Variants in CCBE1 observed in about 807,000 individuals in gnomAD.
CCBE1 encodes collagen and calcium-binding EGF domain-containing protein 1.
Under a neutral mutation model 50.0 loss-of-function variants are expected in CCBE1, and 37 were observed. The observed-to-expected ratio is 0.74, with a 90% CI of 0.57 to 0.97. The LOEUF is 0.97. CCBE1 is among the 50% of genes least tolerant of loss of function. The pLI is 0.00. For synonymous variants in CCBE1, 234 were observed against 203.7 expected (o/e 1.15, Z -1.27); for missense variants, 538 against 523.8 (o/e 1.03, Z -0.26).
rs377193195 is a variant in CCBE1, at chr18:59,488,887, GC to G, written c.213-8650del. Among the ~76,000 whole-genome samples the G allele has an allele frequency of 2.1e-3, 321 of 152,204 alleles. 3 individuals are homozygous for G. The highest frequency in any genetic ancestry group is 7.2e-3 in the African/African-American group (298 of 41,526). The stretch of plus-strand genomic sequence containing the variant: ...TTTCCTGTTGTGTCTCCCCCACCGA[GC>G]CCACCTGAAAGACACTGAGTGCTGC... On this transcript the variant is annotated intron_variant, in intron 2 of 10. Transcript: ENST00000439986.
intron 2 of CCBE1, among the ~76,000 whole-genome samples, chr18:59,485,544 T>C (rs1445341630): frequency 6.6e-6 from 1 of 151,916 alleles, no homozygotes; most frequent in Non-Finnish European, 1.5e-5. Context: ...ATTTGGGGTT[T>C]TCCTTGCATG....
chr18:59,670,701 A>G (rs1204741509), intron 2 of CCBE1, among the ~76,000 whole-genome samples: 1 of 152,112 alleles, frequency 6.6e-6, no homozygotes, highest in African/African-American at 2.4e-5. Flanking sequence ...TAATCCCAGA[A>G]CTTTGGGAGG....
chr18:59,524,755 C>CTGG (rs10625010), intron 2 of CCBE1, among the ~76,000 whole-genome samples: 3 of 151,636 alleles, frequency 2.0e-5, no homozygotes, highest in Admixed American at 2.0e-4. Flanking sequence ...CTCTCCCACA[C>CTGG]CCCTCGATAG....
intron 2 of CCBE1, among the ~76,000 whole-genome samples, chr18:59,512,380 C>T (rs571554744): frequency 6.6e-6 from 1 of 152,376 alleles, no homozygotes; most frequent in South Asian, 2.1e-4. Flanking sequence ...CCACAACCTG[C>T]CCATCTGTAT....
intron 5 of CCBE1, among the ~76,000 whole-genome samples, chr18:59,459,891 G>A (rs1445808315): frequency 2.6e-5 from 4 of 152,180 alleles, no homozygotes; most frequent in Admixed American, 6.5e-5. Flanking sequence ...GTTGAGAACC[G>A]CTGATCTATG....
chr18:59,619,065 G>T (rs1353477904), intron 2 of CCBE1, among the ~76,000 whole-genome samples: 1 of 152,150 alleles, frequency 6.6e-6, no homozygotes, highest in Non-Finnish European at 1.5e-5. Flanking sequence ...AAGGAAAATA[G>T]AAAGTAACCT....
chr18:59,588,143 A>G (rs1171145973), intron 2 of CCBE1, among the ~76,000 whole-genome samples: 1 of 152,260 alleles, frequency 6.6e-6, no homozygotes, highest in African/African-American at 2.4e-5. Flanking sequence ...AGAATAGCCA[A>G]GATTAACTTT....
At chr18:59,668,881 G>A (rs1024058547) in intron 2 of CCBE1, among the ~76,000 whole-genome samples, 1 of 141,812 alleles carries the variant, frequency 7.1e-6, no homozygotes, top group Non-Finnish European at 1.5e-5. Flanking sequence ...CTGGAGTGCA[G>A]TGATGTGATC....
intron 6 of CCBE1, among the ~76,000 whole-genome samples, chr18:59,448,352 G>T (rs1322957614): frequency 1.3e-5 from 2 of 152,154 alleles, no homozygotes; most frequent in Non-Finnish European, 2.9e-5. Context: ...AGATGGCCTA[G>T]ATATCACTAG....
intron 5 of CCBE1, chr18:59,465,726 A>G (rs1162983096): frequency 6.6e-6 from 1 of 152,238 alleles, no homozygotes; most frequent in African/African-American, 2.4e-5. Context: ...TCCCTAGACC[A>G]TATTTTGAGT....
rs140448821 is a variant in CCBE1 at position 59,611,770 on chromosome 18, C to A, written c.212+84859G>T. On this transcript the variant is annotated intron_variant, in intron 2 of 10. Transcript: ENST00000439986. ...TAAAAAAAAAAATAAAAAAAGGAAG[C>A]ATTTTTCTGTATACCAAATACAGGA... Among the ~76,000 whole-genome samples, 215 of 152,156 alleles carry A rather than the reference C, an allele frequency of 1.4e-3. 2 individuals carry two copies. The highest frequency in any genetic ancestry group is 4.9e-3 in the African/African-American group (202 of 41,522).
intron 2 of CCBE1, among the ~76,000 whole-genome samples, chr18:59,556,747 T>C (rs1344609008): frequency 2.6e-5 from 4 of 152,232 alleles, no homozygotes; most frequent in African/African-American, 7.2e-5. Context: ...CTGAGGTTTT[T>C]TGTTCCCACT....
rs997661907 is a variant in CCBE1 at position 59,522,195 on chromosome 18, T to A, written c.213-41957A>T. Among the ~76,000 whole-genome samples, 15 of 152,066 alleles carry A rather than the reference T, an allele frequency of 9.9e-5. No homozygotes were observed. The East Asian group carries it at 1.7e-3, about 18-fold the overall frequency. On this transcript the variant is annotated intron_variant, in intron 2 of 10. Coordinates refer to ENST00000439986, the MANE Select transcript of CCBE1 (RefSeq NM_133459.4). ...AATACATACAATCCTTTAGTGGACATTGTTTACATGAATCTTGGTAATTTC... is the reference window on the plus strand; with the variant it reads ...AATACATACAATCCTTTAGTGGACAATGTTTACATGAATCTTGGTAATTTC...
At chr18:59,623,069 C>T (rs2053733978) in intron 2 of CCBE1, among the ~76,000 whole-genome samples, 1 of 152,056 alleles carries the variant, frequency 6.6e-6, no homozygotes, top group Non-Finnish European at 1.5e-5. Flanking sequence ...ATAAATGCAC[C>T]ACTCTGGAAA....
intron 2 of CCBE1, among the ~76,000 whole-genome samples, chr18:59,638,716 A>G (rs1339287960): frequency 6.6e-6 from 1 of 152,272 alleles, no homozygotes; most frequent in Non-Finnish European, 1.5e-5. Context: ...ACCAAAACAC[A>G]CACACATAGC....
chr18:59,568,920 C>A (rs532996960), intron 2 of CCBE1, among the ~76,000 whole-genome samples: 1 of 152,212 alleles, frequency 6.6e-6, no homozygotes, highest in South Asian at 2.1e-4. Flanking sequence ...ATCTTGCCAA[C>A]TAAACCTCCC....
intron 9 of CCBE1, among the ~76,000 whole-genome samples, chr18:59,438,961 G>A (rs1168111323): frequency 6.6e-6 from 1 of 152,086 alleles, no homozygotes; most frequent in Non-Finnish European, 1.5e-5. Flanking sequence ...GCCAGCCTGG[G>A]TAACATGGCG....
intron 2 of CCBE1, among the ~76,000 whole-genome samples, chr18:59,567,620 A>G (rs996085380): frequency 1.3e-5 from 2 of 152,152 alleles, no homozygotes; most frequent in Admixed American, 1.3e-4. Flanking sequence ...TAGCAATTCT[A>G]TCAGTGACCC....
intron 2 of CCBE1, among the ~76,000 whole-genome samples, chr18:59,596,528 A>G (rs1350832259): frequency 6.6e-6 from 1 of 152,196 alleles, no homozygotes; most frequent in Non-Finnish European, 1.5e-5. Flanking sequence ...TGGCTATGAT[A>G]TACGGCGGAG....
Sources: allele counts gnomAD v4.1 joint callset (sites outside exome capture counted in the v4.1 genomes callset), GRCh38; gene constraint gnomAD v4.1.1; transcripts MANE v1.5; gene names NCBI Gene and HGNC (gene_info 2026-07-23, HGNC 2026-07-21).